Variants in CCDC178 observed in about 807,000 individuals in gnomAD.
CCDC178 encodes coiled-coil domain-containing protein 178.
Under a neutral mutation model 117.4 loss-of-function variants are expected in CCDC178, and 126 were observed. The ratio of observed to expected loss-of-function variants is 1.07; its 90% CI spans 0.93 to 1.24. The LOEUF (loss-of-function observed/expected upper bound fraction) is 1.24. CCDC178 is among the 50% of genes most tolerant of loss of function. The probability of loss-of-function intolerance (pLI) is 0.00; values close to 1 mark genes in which losing one functional copy is unlikely to be tolerated. For synonymous variants in CCDC178, 283 were observed against 313.4 expected, an observed-to-expected ratio of 0.90 and a Z score of 1.02; for missense variants, 1,030 against 986.9, an observed-to-expected ratio of 1.04 and a Z score of -0.59.
At chr18:32,968,439 A>C (rs541788891) in intron 22 of CCDC178, among the ~76,000 whole-genome samples, 1 of 152,000 alleles carries the variant, frequency 6.6e-6, no homozygotes, top group Non-Finnish European at 1.5e-5. Context: ...GGCTATTGTG[A>C]ATAGTGCTGC....
At position 33,290,554 on chromosome 18, in the gene CCDC178, G is replaced by A. The variant is rs28372307; in HGVS notation, c.1176+2605C>T. Among the ~76,000 whole-genome samples, 1,360 of 152,074 alleles carry A rather than the reference G, an allele frequency of 8.9e-3. 22 individuals carry two copies. Among genetic ancestry groups the A allele is most frequent in the African/African-American group, 0.03 (1,264 of 41,508 alleles). On this transcript the variant is annotated intron_variant, in intron 12 of 22. Transcript: ENST00000383096. Reference sequence around the variant, plus strand: ...TTCTTCCCCAATTATTCCATAAGTGGATACAGTTTCAATCATAATTCTAAC... The same window carrying A: ...TTCTTCCCCAATTATTCCATAAGTGAATACAGTTTCAATCATAATTCTAAC...
rs571670593 is a variant in CCDC178 at position 33,423,133 on chromosome 18, T to C, written c.-22-11023A>G. 6.6e-5 allele frequency among the ~76,000 whole-genome samples: 10 copies of C among 152,236 alleles called. No homozygotes were observed. In the East Asian group the frequency reaches 1.2e-3, roughly 18 times the overall value. On this transcript the variant is annotated intron_variant, in intron 2 of 22. Transcript: ENST00000383096. ...TTTGTAGTGAAAAATTGCATAACAG[T>C]ATAAAAATAACGTTGTACCCTATAA...
chr18:32,968,818 C>G (rs2054869476), intron 22 of CCDC178, among the ~76,000 whole-genome samples: 1 of 152,006 alleles, frequency 6.6e-6, no homozygotes, highest in Non-Finnish European at 1.5e-5. Flanking sequence ...AAAGATCACA[C>G]AGAATCAGAG....
intron 21 of CCDC178, among the ~76,000 whole-genome samples, chr18:33,057,765 A>T (rs1345011882): frequency 6.6e-6 from 1 of 152,184 alleles, no homozygotes; most frequent in African/African-American, 2.4e-5. Flanking sequence ...AAATGCTGAG[A>T]TTACAGGTGT....
intron 7 of CCDC178, among the ~76,000 whole-genome samples, chr18:33,356,032 G>A (rs796241145): frequency 1.1e-4 from 17 of 152,186 alleles, no homozygotes; most frequent in African/African-American, 4.1e-4. Context: ...TTTTCCCCTA[G>A]TGGTTATTAA....
intron 10 of CCDC178, among the ~76,000 whole-genome samples, chr18:33,325,979 T>C (rs914997066): frequency 2.0e-5 from 3 of 152,184 alleles, no homozygotes; most frequent in African/African-American, 7.2e-5. Flanking sequence ...CCTGAACTCA[T>C]TAAATGGTTA....
chr18:33,208,959 G>A (rs763803940), intron 20 of CCDC178, among the ~76,000 whole-genome samples: 11 of 151,858 alleles, frequency 7.2e-5, no homozygotes, highest in Non-Finnish European at 1.3e-4. Flanking sequence ...AATTACAGAG[G>A]GGACAGCAAA....
At chr18:33,317,541 G>A (rs1344372187) in intron 11 of CCDC178, among the ~76,000 whole-genome samples, 1 of 152,122 alleles carries the variant, frequency 6.6e-6, no homozygotes, top group East Asian at 1.9e-4. Context: ...TAATAAACTT[G>A]CTTTTGCCTT....
chr18:33,126,120 C>T (rs2058001233), intron 20 of CCDC178, among the ~76,000 whole-genome samples: 2 of 151,908 alleles, frequency 1.3e-5, no homozygotes, highest in African/African-American at 4.8e-5. Flanking sequence ...AATGCAGTGA[C>T]CAATTAGGAG....
At chr18:33,040,807 T>A (rs1044967306) in intron 21 of CCDC178, among the ~76,000 whole-genome samples, 1 of 151,924 alleles carries the variant, frequency 6.6e-6, no homozygotes, top group Non-Finnish European at 1.5e-5. Context: ...TAGCACATGG[T>A]AAGCCTTTCC....
chr18:33,234,799 T>A (rs1412080922), intron 15 of CCDC178, among the ~76,000 whole-genome samples: 1 of 152,152 alleles, frequency 6.6e-6, no homozygotes, highest in Non-Finnish European at 1.5e-5. Flanking sequence ...AGCTATTACA[T>A]GTGGGACAAG....
intron 9 of CCDC178, among the ~76,000 whole-genome samples, chr18:33,340,874 G>T (rs2062809021): frequency 6.6e-6 from 1 of 152,206 alleles, no homozygotes; most frequent in African/African-American, 2.4e-5. Context: ...CTCTGCTAGG[G>T]TGCTGAGGAA....
chr18:33,063,136 A>T (rs2056954259), intron 21 of CCDC178, among the ~76,000 whole-genome samples: 2 of 152,128 alleles, frequency 1.3e-5, no homozygotes, highest in African/African-American at 4.8e-5. Flanking sequence ...GCCTGAGGAC[A>T]GGCCTGCTCC....
intron 12 of CCDC178, among the ~76,000 whole-genome samples, chr18:33,288,970 C>A (rs2060134383): frequency 6.6e-6 from 1 of 152,286 alleles, no homozygotes; most frequent in Non-Finnish European, 1.5e-5. Context: ...GAAACAAGGG[C>A]AAATGTAGAG....
intron 5 of CCDC178, among the ~76,000 whole-genome samples, chr18:33,382,308 C>G (rs753887563): frequency 6.6e-6 from 1 of 152,238 alleles, no homozygotes; most frequent in Admixed American, 6.5e-5. Context: ...GTTAGAAACA[C>G]TTTCAGAGAT....
intron 5 of CCDC178, among the ~76,000 whole-genome samples, chr18:33,380,170 G>A (rs1388454167): frequency 6.6e-6 from 1 of 152,160 alleles, no homozygotes; most frequent in Non-Finnish European, 1.5e-5. Context: ...CAAGCTGATC[G>A]TGATTGCAAG....
chr18:33,111,669 A>T (rs543458161), intron 20 of CCDC178, among the ~76,000 whole-genome samples: 1 of 151,800 alleles, frequency 6.6e-6, no homozygotes, highest in East Asian at 1.9e-4. Context: ...ATGATGACAG[A>T]ACTAAGATGC....
At chr18:33,212,937 A>G (rs1485432116) in intron 19 of CCDC178, among the ~76,000 whole-genome samples, 1 of 152,022 alleles carries the variant, frequency 6.6e-6, no homozygotes, top group Non-Finnish European at 1.5e-5. Context: ...AGCTCAACAC[A>G]GTCTTATTCT....
intron 21 of CCDC178, among the ~76,000 whole-genome samples, chr18:33,091,625 CT>C (rs1178668495): frequency 3.3e-5 from 5 of 152,006 alleles, no homozygotes; most frequent in Non-Finnish European, 7.4e-5. Flanking sequence ...GTATCTTCAT[CT>C]TGCTATCATT....
Sources: allele counts gnomAD v4.1 joint callset (sites outside exome capture counted in the v4.1 genomes callset), GRCh38; gene constraint gnomAD v4.1.1; transcripts MANE v1.5; gene names NCBI Gene and HGNC (gene_info 2026-07-23, HGNC 2026-07-21).